Variants in CEP250 observed in about 807,000 individuals in gnomAD.
The protein encoded by CEP250 is centrosome-associated protein CEP250.
A neutral mutation model predicts 315.7 loss-of-function variants in CEP250; 242 were observed. The ratio of observed to expected loss-of-function variants is 0.77; its 90% confidence interval spans 0.69 to 0.85. The LOEUF is 0.85. Ranked by LOEUF, CEP250 falls within the 40% of genes least tolerant of loss-of-function variation. The pLI is 0.00. For missense variants in CEP250, 2,515 were observed against 2,886.4 expected, an observed-to-expected ratio of 0.87 and a Z score of 2.95; for synonymous variants, 1,088 against 1,175.0, an observed-to-expected ratio of 0.93 and a Z score of 1.51.
At chr20:35,473,825 T>A in intron 13 of CEP250, 45 bp from the exon 14 acceptor site, 1 of 1,527,342 alleles carries the variant, frequency 6.5e-7, no homozygotes, top group Non-Finnish European at 8.8e-7. Flanking sequence ...CAGAAAGAAT[T>A]TTAGGTCCTA....
intron 30 of CEP250, among the ~76,000 whole-genome samples, chr20:35,506,944 G>GT (rs1203451371): frequency 6.6e-6 from 1 of 152,126 alleles, no homozygotes; most frequent in East Asian, 1.9e-4. Flanking sequence ...ATACTCTTGG[G>GT]TTACTGAGCA....
chr20:35,477,826 C>T, intron 16 of CEP250, 45 bp from the exon 17 acceptor site: 2 of 1,449,624 alleles, frequency 1.4e-6, no homozygotes, highest in Non-Finnish European at 1.9e-6. Flanking sequence ...CTAAACTAAC[C>T]ATTTGTCTTT....
intron 30 of CEP250, among the ~76,000 whole-genome samples, chr20:35,506,574 T>C (rs773971070): frequency 1.3e-5 from 2 of 152,128 alleles, no homozygotes; most frequent in African/African-American, 4.8e-5. Context: ...GTCCCTTGAC[T>C]GGGCCCCAGA....
chr20:35,462,521 C>T lies in CEP250; in HGVS notation c.154C>T (p.Gln52Ter), dbSNP rs756320467. ...LKNSQEAQQR[Q>*]ATLVRKLQAK... is the part of the protein sequence containing the mutation. ...GAACTCCCAGGAGGCCCAGCAGAGA[C>T]AAGCAACCCTTGTGAGGAAGCTGCA... Residue 52 changes from glutamine (Q) to a stop codon, truncating the protein, a stop_gained, in exon 4 of 35, where the codon CAA (glutamine) becomes TAA (stop). Transcript: ENST00000397527. LOFTEE classifies it high-confidence loss of function. 1 of 1,608,954 alleles carries T rather than the reference C, an allele frequency of 6.2e-7. No homozygotes were observed. Among genetic ancestry groups the T allele is most frequent in the Non-Finnish European group, 8.5e-7 (1 of 1,177,716 alleles).
chr20:35,510,226 A>G (rs1190045315), intron 34 of CEP250, among the ~76,000 whole-genome samples, 172 bp downstream of exon 34: 1 of 152,124 alleles, frequency 6.6e-6, no homozygotes, highest in Non-Finnish European at 1.5e-5. Context: ...GGGAGTGGGG[A>G]AGAAAGCATG....
Position 35,463,970 on chromosome 20 carries a change from G to A in CEP250, c.243+339G>A, listed in dbSNP as rs1461893190. On this transcript the variant is annotated intron_variant, in intron 5 of 34. Transcript: ENST00000397527. ...TACAGCATGTCTGCAGCAAAGGGAT[G>A]TCTGTGCTATTAGAACTGGCTTTGA... Among the ~76,000 whole-genome samples the A allele has an allele frequency of 2.6e-5, 4 of 152,214 alleles. No homozygotes were observed. In the East Asian group the frequency reaches 5.8e-4, roughly 22 times the overall value.
rs891544512 is a variant in CEP250, at chr20:35,512,828, G to A, written c.*1202G>A. ...TCCCACCTCAACCTCTCAAAGTGCT[G>A]GGATTACCGGTGTGAGCCACCATGC... On this transcript the variant is annotated 3_prime_UTR_variant, in exon 35 of 35. Coordinates refer to ENST00000397527, the MANE Select transcript of CEP250 (RefSeq NM_007186.6). The A allele has an allele frequency of 6.6e-4, 100 of 152,248 alleles. No homozygotes were observed. Among genetic ancestry groups the A allele is most frequent in the Non-Finnish European group, 1.3e-4 (9 of 68,112 alleles). 9.4% of individuals were successfully genotyped at this position (152,248 alleles called of 1,614,324 possible). A position where few individuals can be genotyped will look rare whatever the true frequency, so the allele number is the denominator to read the frequency against.
chr20:35,511,543 G>T lies in CEP250; in HGVS notation c.7246G>T (p.Glu2416Ter). Residue 2416 changes from glutamate to a stop codon, truncating the protein, a stop_gained, in exon 35 of 35, where the codon GAG becomes TAG. Coordinates refer to ENST00000397527, the MANE Select transcript of CEP250 (RefSeq NM_007186.6). LOFTEE classifies it high-confidence loss of function. The part of the protein sequence containing the change: ...VLEAETRRLD[E>*]SLTQSLTSPG... Reference sequence around the variant, plus strand: ...GGAGGCAGAGACCCGCAGGCTGGATGAGTCCCTGACTCAAAGTCTGACATC... The same window carrying T: ...GGAGGCAGAGACCCGCAGGCTGGATTAGTCCCTGACTCAAAGTCTGACATC... The T allele has an allele frequency of 1.2e-6, 2 of 1,614,054 alleles. No individual in the cohort carries two copies. Among genetic ancestry groups the T allele is most frequent in the Non-Finnish European group, 1.7e-6 (2 of 1,180,008 alleles).
Position 35,477,840 on chromosome 20 carries a change from GCTTGTA to G in CEP250, c.1864-28_1864-23del, listed in dbSNP as rs150805146. On this transcript the variant is annotated intron_variant, in intron 16 of 34. Coordinates refer to ENST00000397527, the MANE Select transcript of CEP250 (RefSeq NM_007186.6). ...CCTAAACTAACCATTTGTCTTTGATGCTTGTACTCCCTTCCCTTTTTGGCCAGTAGT... is the reference window on the plus strand; with the variant it reads ...CCTAAACTAACCATTTGTCTTTGATGCTCCCTTCCCTTTTTGGCCAGTAGT... 2,400 of 1,520,828 alleles carry G rather than the reference GCTTGTA, an allele frequency of 1.6e-3. 48 individuals are homozygous for G. In the African/African-American group the frequency reaches 0.029, roughly 19 times the overall value. 94.2% of individuals were successfully genotyped at this position (1,520,828 alleles called of 1,614,324 possible). A position where few individuals can be genotyped will look rare whatever the true frequency, so the allele number is the denominator to read the frequency against.
intron 2 of CEP250, among the ~76,000 whole-genome samples, chr20:35,459,024 C>T (rs1164717230): frequency 4.4e-5 from 5 of 113,816 alleles, no homozygotes; most frequent in Non-Finnish European, 8.2e-5. Flanking sequence ...GTCGCCCAGG[C>T]TGGACAGTGT....
rs76678073 is a variant in CEP250 at position 35,480,537 on chromosome 20, T to C, written c.2586+392T>C. ...CATTTGGTTTTATTGTGGTTTTAGG[T>C]GTATTTGGATTTATTTGTGCCATCT... On this transcript the variant is annotated intron_variant, in intron 20 of 34. Coordinates refer to ENST00000397527, the MANE Select transcript of CEP250 (RefSeq NM_007186.6). Among the ~76,000 whole-genome samples the C allele has an allele frequency of 9.1e-3, 1,385 of 151,968 alleles. 17 individuals are homozygous for C. The highest frequency in any genetic ancestry group is 0.031 in the African/African-American group (1,281 of 41,432).
At chr20:35,474,686 T>C in intron 14 of CEP250, 3 of 434,266 alleles carry the variant, frequency 6.9e-6, no homozygotes, top group South Asian at 1.7e-5. Context: ...CCCTATATGA[T>C]GTCACAGAAA....
At position 35,502,599 on chromosome 20, in the gene CEP250, A is replaced by T. The variant is rs1369737661; in HGVS notation, c.4230A>T (p.Glu1410Asp). ...ERAQALQEQGELKVAQGKALQ... is the reference protein window; with the variant it reads ...ERAQALQEQGDLKVAQGKALQ... The stretch of plus-strand genomic sequence containing the variant: ...CCCAGGCTCTGCAAGAGCAGGGCGA[A>T]CTGAAGGTGGCCCAAGGGAAGGCTC... The change falls in exon 30 of 35, where the codon GAA becomes GAT. Residue 1410 changes from glutamate (E) to aspartate (D), a missense_variant. Glu to Asp is a conservative substitution (Grantham distance 45). Transcript: ENST00000397527. The T allele has an allele frequency of 6.2e-7, 1 of 1,614,244 alleles. No homozygotes were observed. The highest frequency in any genetic ancestry group is 8.5e-7 in the Non-Finnish European group (1 of 1,180,042).
At position 35,463,629 on chromosome 20, in the gene CEP250, G is replaced by A. The variant is rs2062807607; in HGVS notation, c.241G>A (p.Gly81Arg). 7 of 1,608,336 alleles carry A rather than the reference G, an allele frequency of 4.4e-6. No individual in the cohort carries two copies. The highest frequency in any genetic ancestry group is 5.9e-6 in the Non-Finnish European group (7 of 1,177,138). The change falls in exon 5 of 35, where the codon GGA becomes AGA. Residue 81 changes from glycine (G) to arginine (R), a missense_variant and splice_region_variant. Gly to Arg is a moderately radical substitution (Grantham distance 125). Coordinates refer to ENST00000397527, the MANE Select transcript of CEP250 (RefSeq NM_007186.6). ...QELEKRLEAT[G>R]GPIPQRWENV... ...GCTGGAGAAGCGGCTAGAAGCCACT[G>A]GAGTGAGTGAGGCTGAGCTCTCTGC... is the stretch of plus-strand genomic sequence containing the variant.
rs202083231 is a variant in CEP250 at position 35,490,720 on chromosome 20, G to T, written c.2670G>T (p.Arg890Ser). Reference sequence around the variant, plus strand: ...GGGAAAAAATGGAGCTGGAAATGAGGCTAAAGGAGCAGCAGACAGAAATGG... The same window carrying T: ...GGGAAAAAATGGAGCTGGAAATGAGTCTAAAGGAGCAGCAGACAGAAATGG... ...LEREKMELEMRLKEQQTEMEA... is the reference protein window; with the variant it reads ...LEREKMELEMSLKEQQTEMEA... The change falls in exon 21 of 35, where the codon AGG becomes AGT. Residue 890 changes from arginine to serine, a missense_variant. Transcript: ENST00000397527. 2 of 1,614,024 alleles carry T rather than the reference G, an allele frequency of 1.2e-6. No individual in the cohort carries two copies. The highest frequency in any genetic ancestry group is 1.7e-6 in the Non-Finnish European group (2 of 1,180,012).
chr20:35,492,764 G>A (rs1429661067), intron 22 of CEP250, among the ~76,000 whole-genome samples: 1 of 152,196 alleles, frequency 6.6e-6, no homozygotes, highest in Non-Finnish European at 1.5e-5. Context: ...GTCTCGCTCT[G>A]TCACCCAGGC....
chr20:35,516,598 A>G lies in CEP250; in HGVS notation c.*4972A>G, dbSNP rs765393445. 1 of 152,254 alleles carries G rather than the reference A, an allele frequency of 6.6e-6. No individual in the cohort carries two copies. The highest frequency in any genetic ancestry group is 1.5e-5 in the Non-Finnish European group (1 of 68,064). 9.4% of individuals were successfully genotyped at this position (152,254 alleles called of 1,614,324 possible). ...GCTAGCTGCTGCTCCTGCCCCAGCTATTCAGTCATTTGGCAAATACTCATT... is the reference window on the plus strand; with the variant it reads ...GCTAGCTGCTGCTCCTGCCCCAGCTGTTCAGTCATTTGGCAAATACTCATT... On this transcript the variant is annotated 3_prime_UTR_variant, in exon 35 of 35. Coordinates refer to ENST00000397527, the MANE Select transcript of CEP250 (RefSeq NM_007186.6).
chr20:35,486,330 C>T (rs1342208443), intron 20 of CEP250, among the ~76,000 whole-genome samples: 1 of 152,092 alleles, frequency 6.6e-6, no homozygotes, highest in African/African-American at 2.4e-5. Context: ...AAGCTTCAAG[C>T]TCCTGGGCTT....
chr20:35,477,888 G>C lies in CEP250; in HGVS notation c.1881G>C (p.Gln627His). 2 of 1,588,464 alleles carry C rather than the reference G, an allele frequency of 1.3e-6. No homozygotes were observed. The highest frequency in any genetic ancestry group is 1.1e-5 in the South Asian group (1 of 87,198). Residue 627 changes from glutamine (Q) to histidine (H), a missense_variant, in exon 17 of 35, where the codon CAG (glutamine) becomes CAC (histidine). Physicochemically the swap from Gln to His is conservative, Grantham distance 24. Coordinates refer to ENST00000397527, the MANE Select transcript of CEP250 (RefSeq NM_007186.6). The part of the protein sequence containing the change: ...QQLLQLEEEN[Q>H]SVCSRMEAAE... ...GCCAGTAGTTAGAGGAGGAGAACCA[G>C]TCTGTGTGCAGCAGAATGGAGGCCG...
Sources: gnomAD v4.1 joint callset for allele counts (sites outside exome capture counted in the v4.1 genomes callset) on GRCh38, gnomAD v4.1.1 for gene constraint, MANE v1.5 for transcripts, NCBI Gene and HGNC (gene_info 2026-07-23, HGNC 2026-07-21) for gene names.